AGBL1: variants seen among roughly 807,000 people sequenced by gnomAD.
AGBL1 encodes the protein AGBL carboxypeptidase 1.
AGBL1 carries 130 observed loss-of-function variants against 118.9 expected under a neutral mutation model. The ratio of observed to expected loss-of-function variants is 1.09; its 90% confidence interval spans 0.95 to 1.26. The LOEUF (loss-of-function observed/expected upper bound fraction) is 1.26. AGBL1 is among the 50% of genes most tolerant of loss of function. The pLI, the probability that AGBL1 is intolerant of heterozygous loss-of-function variation, is 0.00. For synonymous variants in AGBL1, 555 were observed against 478.9 expected (o/e 1.16, Z -2.08); for missense variants, 1,584 against 1,298.1 (o/e 1.22, Z -3.38).
chr15:86,802,930 C>T (rs16978000), intron 22 of AGBL1, among the ~76,000 whole-genome samples: 3,648 of 152,126 alleles, frequency 0.024, 155 homozygotes, highest in African/African-American at 0.083. Context: ...CTTTTCATGA[C>T]GTAAGATAGG....
intron 18 of AGBL1, among the ~76,000 whole-genome samples, chr15:86,400,806 G>C (rs1355881571): frequency 6.7e-6 from 1 of 150,084 alleles, no homozygotes; most frequent in Non-Finnish European, 1.5e-5. Flanking sequence ...TTTATGCCAT[G>C]CTGATATATA....
intron 18 of AGBL1, among the ~76,000 whole-genome samples, chr15:86,471,642 G>A (rs1403901276): frequency 6.6e-6 from 1 of 151,986 alleles, no homozygotes; most frequent in Admixed American, 6.6e-5. Context: ...AATATTTGGT[G>A]AGGACAGAGT....
intron 1 of AGBL1, among the ~76,000 whole-genome samples, chr15:86,085,034 A>T (rs979720643): frequency 2.6e-5 from 4 of 152,240 alleles, no homozygotes; most frequent in Admixed American, 2.6e-4. Context: ...AAGTAGGAGC[A>T]CTTATTGTAA....
At chr15:86,540,477 C>G (rs1348638317) in intron 19 of AGBL1, among the ~76,000 whole-genome samples, 2 of 152,018 alleles carry the variant, frequency 1.3e-5, no homozygotes, top group African/African-American at 4.8e-5. Flanking sequence ...CACCTGCAGT[C>G]CTGGCTACTC....
intron 5 of AGBL1, 141 bp from the exon 6 acceptor site, chr15:86,224,773 C>T (rs745448362): frequency 4.2e-5 from 32 of 758,606 alleles, no homozygotes; most frequent in Non-Finnish European, 6.9e-5. Context: ...TAATGGTCAG[C>T]GGGGCAATCA....
At chr15:86,916,985 C>T (rs1485944040), downstream of AGBL1, among the ~76,000 whole-genome samples, 1 of 152,160 alleles carries the variant, frequency 6.6e-6, no homozygotes, top group Non-Finnish European at 1.5e-5. Context: ...AACAAAATGA[C>T]AACATAAACA....
intron 23 of AGBL1, among the ~76,000 whole-genome samples, chr15:86,928,287 A>T (rs116421643): frequency 6.6e-6 from 1 of 152,150 alleles, no homozygotes; most frequent in Non-Finnish European, 1.5e-5. Flanking sequence ...TGGACCAACC[A>T]GGGCATAGGC....
At chr15:86,393,741 C>T (rs2081321587) in intron 17 of AGBL1, among the ~76,000 whole-genome samples, 1 of 152,040 alleles carries the variant, frequency 6.6e-6, no homozygotes, top group Non-Finnish European at 1.5e-5. Context: ...GTGCAGAACA[C>T]CTAATCTGCT....
At chr15:86,216,981 A>G (rs562662715) in intron 5 of AGBL1, among the ~76,000 whole-genome samples, 2 of 152,192 alleles carry the variant, frequency 1.3e-5, no homozygotes, top group South Asian at 2.1e-4. Flanking sequence ...TGATAATTGC[A>G]TGACAACCAC....
At chr15:86,165,142 C>T (rs1161195968) in intron 5 of AGBL1, among the ~76,000 whole-genome samples, 1 of 152,074 alleles carries the variant, frequency 6.6e-6, no homozygotes, top group African/African-American at 2.4e-5. Context: ...TTCAAGCAAG[C>T]TTCATAAGCA....
chr15:86,702,114 C>T (rs2086370675), intron 22 of AGBL1, among the ~76,000 whole-genome samples: 1 of 151,940 alleles, frequency 6.6e-6, no homozygotes, highest in African/African-American at 2.4e-5. Flanking sequence ...CAATCCATAG[C>T]TCATATTAAA....
At chr15:86,285,400 A>G (rs2079425787) in intron 16 of AGBL1, among the ~76,000 whole-genome samples, 1 of 151,984 alleles carries the variant, frequency 6.6e-6, no homozygotes, top group South Asian at 2.1e-4. Flanking sequence ...CATAATTCTT[A>G]CGTGTCGTGG....
intron 23 of AGBL1, among the ~76,000 whole-genome samples, chr15:86,962,174 C>T (rs970307951): frequency 1.3e-5 from 2 of 152,060 alleles, no homozygotes; most frequent in African/African-American, 4.8e-5. Context: ...AAGTTGCACC[C>T]AGGTTTATAA....
In AGBL1 at chr15:86,309,030, A is replaced by G. The variant is rs77205815; in HGVS notation, c.2374+13622A>G. On this transcript the variant is annotated intron_variant, in intron 17 of 22. Transcript: ENST00000614907. Reference sequence around the variant, plus strand: ...TGCTTTGGATAGTATGGCAATTTTAACAATATTATTTCAACCCATGAACAT... The same window carrying G: ...TGCTTTGGATAGTATGGCAATTTTAGCAATATTATTTCAACCCATGAACAT... Among the ~76,000 whole-genome samples the G allele has an allele frequency of 7.3e-3, 1,107 of 152,336 alleles. 14 individuals carry two copies. Among genetic ancestry groups the G allele is most frequent in the African/African-American group, 0.024 (990 of 41,582 alleles).
chr15:86,472,748 G>A (rs921910767), intron 18 of AGBL1, among the ~76,000 whole-genome samples: 3 of 152,026 alleles, frequency 2.0e-5, no homozygotes, highest in South Asian at 2.1e-4. Context: ...ATGAAGCCCC[G>A]TCTCTACTAA....
chr15:86,866,196 CATTCCATTGA>C (rs1438031493), intron 22 of AGBL1, among the ~76,000 whole-genome samples: 2 of 152,110 alleles, frequency 1.3e-5, no homozygotes, highest in African/African-American at 4.8e-5. Flanking sequence ...TCAAAATAAA[CATTCCATTGA>C]AGGAATTAGA....
At chr15:86,450,841 A>T (rs754353713) in intron 18 of AGBL1, among the ~76,000 whole-genome samples, 1 of 152,228 alleles carries the variant, frequency 6.6e-6, no homozygotes, top group Non-Finnish European at 1.5e-5. Flanking sequence ...TGCTTTAAAT[A>T]GAGCCATTAT....
chr15:86,673,036 C>T (rs1035080827), intron 21 of AGBL1, among the ~76,000 whole-genome samples: 1 of 152,062 alleles, frequency 6.6e-6, no homozygotes, highest in African/African-American at 2.4e-5. Context: ...CATTCCTGTC[C>T]TCCATAATAA....
At chr15:86,633,782 GTGTA>G (rs2085021038) in intron 21 of AGBL1, among the ~76,000 whole-genome samples, 1 of 117,362 alleles carries the variant, frequency 8.5e-6, no homozygotes, top group Non-Finnish European at 1.8e-5. Context: ...TTTTATGTGT[GTGTA>G]TATATATATA....
Sources: allele counts gnomAD v4.1 joint callset (sites outside exome capture counted in the v4.1 genomes callset), GRCh38; gene constraint gnomAD v4.1.1; transcripts MANE v1.5; gene names NCBI Gene and HGNC (gene_info 2026-07-23, HGNC 2026-07-21).